FAF1: variants seen among roughly 807,000 people sequenced by gnomAD.
FAF1 encodes Fas associated factor 1.
FAF1 carries 25 observed loss-of-function variants against 92.5 expected under a neutral mutation model. The observed-to-expected ratio is 0.27, with a 90% confidence interval of 0.20 to 0.38. The LOEUF (loss-of-function observed/expected upper bound fraction) is 0.38. Among genes scored for constraint, FAF1 ranks in the 10% least tolerant of loss-of-function variants. The probability of loss-of-function intolerance (pLI) is 1.00; values close to 1 mark genes in which losing one functional copy is unlikely to be tolerated. For synonymous variants in FAF1, 234 were observed against 273.2 expected (o/e 0.86, Z 1.42); for missense variants, 636 against 793.3 (o/e 0.80, Z 2.38).
At chr1:50,746,247 C>CATATATATATATATATATATATAT (rs762650119) in intron 4 of FAF1, among the ~76,000 whole-genome samples, 2 of 39,908 alleles carry the variant, frequency 5.0e-5, no homozygotes, top group African/African-American at 2.4e-4. Flanking sequence ...CTGAAACGAA[C>CATATATATATATATATATATATAT]ATATATATAT....
chr1:50,462,046 C>G (rs1207434976), intron 18 of FAF1: 1 of 145,618 alleles, frequency 6.9e-6, no homozygotes, highest in Non-Finnish European at 1.5e-5. Context: ...TATATTAATA[C>G]CAATATATAA....
intron 4 of FAF1, among the ~76,000 whole-genome samples, chr1:50,759,980 C>T (rs1028175567): frequency 1.3e-5 from 2 of 152,082 alleles, no homozygotes; most frequent in African/African-American, 4.8e-5. Context: ...ATGTTCTTCA[C>T]CCACTTTTTG....
At chr1:50,663,044 G>C (rs998533263) in intron 7 of FAF1, among the ~76,000 whole-genome samples, 1 of 151,610 alleles carries the variant, frequency 6.6e-6, no homozygotes, top group Non-Finnish European at 1.5e-5. Context: ...TACGATAAAA[G>C]ACAATTCCTA....
intron 3 of FAF1, among the ~76,000 whole-genome samples, chr1:50,799,190 G>T (rs1341327102): frequency 6.6e-6 from 1 of 152,204 alleles, no homozygotes; most frequent in South Asian, 2.1e-4. Flanking sequence ...AGAGGATAGA[G>T]CATGGCTTTT....
Position 50,931,875 on chromosome 1 carries a change from AAAAT to A in FAF1, c.45+27888_45+27891del, listed in dbSNP as rs200438185. 8.2e-3 allele frequency among the ~76,000 whole-genome samples: 951 copies of A among 115,306 alleles called. 11 individuals are homozygous for A. The highest frequency in any genetic ancestry group is 0.042 in the East Asian group (185 of 4,362). 75.6% of individuals were successfully genotyped at this position (115,306 alleles called of 152,430 possible). ...GGTGACAGAGCAAGACTCTGTCTCA[AAAAT>A]AAATAAATAAATAATAATAATAATA... On this transcript the variant is annotated intron_variant, in intron 1 of 18. Transcript: ENST00000396153.
chr1:50,808,101 T>G (rs1662275176), intron 2 of FAF1, among the ~76,000 whole-genome samples: 1 of 152,124 alleles, frequency 6.6e-6, no homozygotes, highest in Admixed American at 6.5e-5. Flanking sequence ...GGGATTATAT[T>G]CAGCATTCTT....
chr1:50,649,125 T>A (rs1445766269), intron 8 of FAF1, among the ~76,000 whole-genome samples: 1 of 151,432 alleles, frequency 6.6e-6, no homozygotes, highest in East Asian at 2.0e-4. Flanking sequence ...GAGAGGGCTG[T>A]GTGCAGTTTT....
intron 18 of FAF1, among the ~76,000 whole-genome samples, chr1:50,457,298 G>A (rs1646364843): frequency 6.6e-6 from 1 of 152,122 alleles, no homozygotes; most frequent in Non-Finnish European, 1.5e-5. Flanking sequence ...GAAGTAGGCT[G>A]GGGCTGCAGT....
intron 2 of FAF1, among the ~76,000 whole-genome samples, chr1:50,825,493 C>T (rs1246916027): frequency 3.3e-5 from 5 of 151,760 alleles, no homozygotes; most frequent in Admixed American, 3.3e-4. Context: ...GAATATGTAT[C>T]ATCTCTAAAT....
At chr1:50,694,085 T>TATG (rs1657079985) in intron 7 of FAF1, among the ~76,000 whole-genome samples, 1 of 149,322 alleles carries the variant, frequency 6.7e-6, no homozygotes, top group African/African-American at 2.6e-5. Flanking sequence ...GACATATATA[T>TATG]AAAAAAAACT....
chr1:50,558,759 G>T (rs979026931), intron 13 of FAF1, among the ~76,000 whole-genome samples: 1 of 152,098 alleles, frequency 6.6e-6, no homozygotes, highest in African/African-American at 2.4e-5. Context: ...CATATTTCCT[G>T]AATAGCATTA....
intron 8 of FAF1, among the ~76,000 whole-genome samples, chr1:50,633,305 T>C (rs867698060): frequency 2.0e-5 from 3 of 152,232 alleles, no homozygotes; most frequent in Non-Finnish European, 2.9e-5. Flanking sequence ...ATTGATTCTT[T>C]AAAGTTTTAT....
rs542039826 is a variant in FAF1, at chr1:50,452,271, C to T, written c.1870-10748G>A. The T allele has an allele frequency of 1.9e-5, 13 of 683,928 alleles. No homozygotes were observed. In the South Asian group the frequency reaches 2.2e-4, roughly 11 times the overall value. 42.4% of individuals were successfully genotyped at this position (683,928 alleles called of 1,614,324 possible). A position where few individuals can be genotyped will look rare whatever the true frequency, so the allele number is the denominator to read the frequency against. ...TTTGCAAGCTCATTGCCCCTGAAAGCATAAACTGGACACAGGCAAATTCAT... is the reference window on the plus strand; with the variant it reads ...TTTGCAAGCTCATTGCCCCTGAAAGTATAAACTGGACACAGGCAAATTCAT... On this transcript the variant is annotated intron_variant, in intron 18 of 18. Transcript: ENST00000396153.
At chr1:50,892,463 T>C (rs1484592665) in intron 1 of FAF1, among the ~76,000 whole-genome samples, 3 of 152,198 alleles carry the variant, frequency 2.0e-5, no homozygotes, top group Non-Finnish European at 4.4e-5. Flanking sequence ...ACTAGAGCTG[T>C]TCCTATTTGG....
At chr1:50,615,020 G>A (rs1452188316) in intron 8 of FAF1, among the ~76,000 whole-genome samples, 4 of 152,170 alleles carry the variant, frequency 2.6e-5, no homozygotes, top group African/African-American at 7.2e-5. Context: ...CCAATAGGTA[G>A]TTTTACAACC....
chr1:50,623,763 A>C (rs1224100839), intron 8 of FAF1, among the ~76,000 whole-genome samples: 1 of 151,610 alleles, frequency 6.6e-6, no homozygotes, highest in Non-Finnish European at 1.5e-5. Flanking sequence ...GCAACTTGGC[A>C]AAACCCTGTC....
intron 1 of FAF1, among the ~76,000 whole-genome samples, chr1:50,865,346 C>G (rs992986793): frequency 6.6e-6 from 1 of 150,680 alleles, no homozygotes; most frequent in Non-Finnish European, 1.5e-5. Flanking sequence ...GGGTATATAC[C>G]CAAAGGACTA....
rs185922674 is a variant in FAF1, at chr1:50,834,450, T to C, written c.114+23479A>G. Among the ~76,000 whole-genome samples the C allele has an allele frequency of 7.9e-5, 12 of 152,238 alleles. No individual in the cohort carries two copies. The East Asian group carries it at 1.7e-3, about 22-fold the overall frequency. Reference sequence around the variant, plus strand: ...ACCCTTCCCAAGAAAATCAGAGTCATTGGGAAAGACAGGTAAGAGGTCAGG... The same window carrying C: ...ACCCTTCCCAAGAAAATCAGAGTCACTGGGAAAGACAGGTAAGAGGTCAGG... On this transcript the variant is annotated intron_variant, in intron 2 of 18. Coordinates refer to ENST00000396153, the MANE Select transcript of FAF1 (RefSeq NM_007051.3).
intron 12 of FAF1, among the ~76,000 whole-genome samples, chr1:50,577,639 T>A (rs1320518316): frequency 2.0e-5 from 3 of 152,196 alleles, no homozygotes; most frequent in Non-Finnish European, 4.4e-5. Context: ...TATGGATTGT[T>A]TATATTGTTT....
Sources: gnomAD v4.1 joint callset for allele counts (sites outside exome capture counted in the v4.1 genomes callset) on GRCh38, gnomAD v4.1.1 for gene constraint, MANE v1.5 for transcripts, NCBI Gene and HGNC (gene_info 2026-07-23, HGNC 2026-07-21) for gene names.